The following SLC7A14 variants were observed in gnomAD, a reference collection of about 807,000 sequenced individuals.
The protein encoded by SLC7A14 is solute carrier family 7 member 14.
In SLC7A14, 37 loss-of-function variants were observed where a neutral mutation model predicts 60.2. That is an observed-to-expected ratio of 0.61 (90% CI 0.47 to 0.81). SLC7A14 has a LOEUF of 0.81. Among genes scored for constraint, SLC7A14 ranks in the 30% least tolerant of loss-of-function variants. SLC7A14 has a pLI of 0.00. For missense variants in SLC7A14, 886 were observed against 982.7 expected (o/e 0.90, Z 1.32); for synonymous variants, 399 against 395.8 (o/e 1.01, Z -0.10).
rs367547128 is a variant in SLC7A14 at position 170,526,902 on chromosome 3, C to T, written c.35G>A (p.Arg12Gln). ...ATACCAGGCAGCTCCCCACTGCACC[C>T]GCCGGGGGTCCAGCGAGGTGAAGAA... ...SGFFTSLDPR[R>Q]VQWGAAWYAM... Residue 12 changes from arginine to glutamine, a missense_variant, in exon 2 of 8, where the codon CGG (arginine) becomes CAG (glutamine). Arg to Gln is a conservative substitution (Grantham distance 43). Coordinates refer to ENST00000231706, the MANE Select transcript of SLC7A14 (RefSeq NM_020949.3). 10 of 1,613,630 alleles carry T rather than the reference C, an allele frequency of 6.2e-6. No homozygotes were observed. Among genetic ancestry groups the T allele is most frequent in the East Asian group, 4.5e-5 (2 of 44,856 alleles).
At chr3:170,529,747 A>G (rs1713617838) in intron 1 of SLC7A14, among the ~76,000 whole-genome samples, 1 of 152,210 alleles carries the variant, frequency 6.6e-6, no homozygotes. Flanking sequence ...AGATGAAATT[A>G]GTTGGGGGGA....
chr3:170,558,982 G>A (rs767864720), intron 1 of SLC7A14, among the ~76,000 whole-genome samples: 1 of 152,148 alleles, frequency 6.6e-6, no homozygotes, highest in Non-Finnish European at 1.5e-5. Flanking sequence ...TTTTCATGCT[G>A]GTAACTGCCT....
chr3:170,525,887 A>G (rs1293756252), intron 2 of SLC7A14, among the ~76,000 whole-genome samples: 3 of 152,164 alleles, frequency 2.0e-5, no homozygotes, highest in Non-Finnish European at 4.4e-5. Context: ...CCTGGCCAAC[A>G]TGGTGAAACC....
At chr3:170,560,669 G>A (rs531978794) in intron 1 of SLC7A14, among the ~76,000 whole-genome samples, 39 of 152,238 alleles carry the variant, frequency 2.6e-4, no homozygotes, top group Admixed American at 7.2e-4. Context: ...AATGGACCAA[G>A]GTTTTGGTTC....
chr3:170,483,959 A>G (rs550858531), intron 5 of SLC7A14, among the ~76,000 whole-genome samples: 1 of 152,318 alleles, frequency 6.6e-6, no homozygotes, highest in Admixed American at 6.5e-5. Context: ...TTCTGGTCCT[A>G]CAGGGTTTTA....
intron 4 of SLC7A14, among the ~76,000 whole-genome samples, chr3:170,493,035 G>A (rs758724645): frequency 5.3e-5 from 8 of 152,176 alleles, no homozygotes; most frequent in Non-Finnish European, 8.8e-5. Context: ...CCCCACAAAT[G>A]ATTGCTATGG....
chr3:170,496,953 G>T (rs1273043933), intron 4 of SLC7A14, among the ~76,000 whole-genome samples: 1 of 152,136 alleles, frequency 6.6e-6, no homozygotes, highest in East Asian at 1.9e-4. Context: ...GGAGGCTGCT[G>T]TGCAGGGGAG....
chr3:170,479,147 AC>A (rs1311689458), intron 7 of SLC7A14, among the ~76,000 whole-genome samples: 3 of 116,074 alleles, frequency 2.6e-5, no homozygotes, highest in Non-Finnish European at 4.2e-5. Flanking sequence ...AACAAAACAA[AC>A]AAATAACAAC....
intron 1 of SLC7A14, among the ~76,000 whole-genome samples, chr3:170,531,838 AAG>A (rs369295002): frequency 5.3e-5 from 8 of 152,252 alleles, no homozygotes; most frequent in Non-Finnish European, 1.0e-4. Flanking sequence ...CCTCTGGGAG[AAG>A]AGAGTCATCA....
At chr3:170,500,628 A>G (rs1712577847) in intron 3 of SLC7A14, among the ~76,000 whole-genome samples, 1 of 152,106 alleles carries the variant, frequency 6.6e-6, no homozygotes. Context: ...TGGAAAAAAA[A>G]TCTGATGAAA....
At position 170,526,912 on chromosome 3, in the gene SLC7A14, C is replaced by G. The variant is rs776300686; in HGVS notation, c.25G>C (p.Asp9His). The G allele has an allele frequency of 6.2e-7, 1 of 1,613,386 alleles. No homozygotes were observed. The highest frequency in any genetic ancestry group is 1.1e-5 in the South Asian group (1 of 90,926). Residue 9 changes from aspartate to histidine, a missense_variant, in exon 2 of 8, where the codon GAC becomes CAC. Physicochemically the swap from Asp to His is moderately conservative, Grantham distance 81. Transcript: ENST00000231706. ...GCTCCCCACTGCACCCGCCGGGGGT[C>G]CAGCGAGGTGAAGAAGCCACTCATC... MSGFFTSL[D>H]PRRVQWGAAW...
In SLC7A14 at chr3:170,483,485, G is replaced by A. The variant is rs1444261476; in HGVS notation, c.944C>T (p.Thr315Ile). The A allele has an allele frequency of 1.2e-6, 2 of 1,614,196 alleles. No individual in the cohort carries two copies. The highest frequency in any genetic ancestry group is 2.2e-5 in the South Asian group (2 of 91,086). ...VILTLMVPYY[T>I]IDTESPLMEM... ...CATGAGTGGGGATTCCGTGTCAATG[G>A]TATAATATGGCACCATCAGAGTTAA... Residue 315 changes from threonine (T) to isoleucine (I), a missense_variant, in exon 6 of 8, where the codon ACC becomes ATC. Thr to Ile is a moderately conservative substitution (Grantham distance 89). Coordinates refer to ENST00000231706, the MANE Select transcript of SLC7A14 (RefSeq NM_020949.3).
chr3:170,560,052 A>T (rs1714601884), intron 1 of SLC7A14, among the ~76,000 whole-genome samples: 1 of 152,238 alleles, frequency 6.6e-6, no homozygotes, highest in Non-Finnish European at 1.5e-5. Flanking sequence ...AATAATCCCA[A>T]TCAAATTCCC....
intron 1 of SLC7A14, chr3:170,570,271 C>T (rs1046269815): frequency 4.6e-5 from 7 of 152,394 alleles, no homozygotes; most frequent in African/African-American, 1.5e-4. Flanking sequence ...CATGGCAAAA[C>T]CCTGTCTCTA....
At position 170,526,602 on chromosome 3, in the gene SLC7A14, C is replaced by T. The variant is rs370095612; in HGVS notation, c.304+31G>A. The T allele has an allele frequency of 4.9e-4, 778 of 1,603,544 alleles. 1 individual carries two copies. Among genetic ancestry groups the T allele is most frequent in the Middle Eastern group, 1.7e-3 (10 of 6,048 alleles). ...GTGACCAGGCTGGTAAGCACACTTT[C>T]CACAGTACTTCCCTGCATGGAGACA... On this transcript the variant is annotated intron_variant, in intron 2 of 7. Transcript: ENST00000231706.
intron 7 of SLC7A14, among the ~76,000 whole-genome samples, chr3:170,479,723 C>A (rs1183921744): frequency 6.6e-6 from 1 of 152,140 alleles, no homozygotes; most frequent in African/African-American, 2.4e-5. Flanking sequence ...ATATGAAAAA[C>A]TTTTGAATAT....
At chr3:170,511,195 C>T (rs1712969923) in intron 2 of SLC7A14, among the ~76,000 whole-genome samples, 1 of 152,048 alleles carries the variant, frequency 6.6e-6, no homozygotes, top group Admixed American at 6.5e-5. Context: ...CTCGGGAGTT[C>T]GAGACCAGCC....
At chr3:170,493,923 C>T (rs1470836629) in intron 4 of SLC7A14, among the ~76,000 whole-genome samples, 3 of 152,208 alleles carry the variant, frequency 2.0e-5, no homozygotes, top group Non-Finnish European at 4.4e-5. Context: ...CATATATCAT[C>T]CCCAAGTTTC....
intron 1 of SLC7A14, among the ~76,000 whole-genome samples, chr3:170,540,561 G>A (rs1431873814): frequency 6.6e-6 from 1 of 151,894 alleles, no homozygotes; most frequent in African/African-American, 2.4e-5. Flanking sequence ...GGAGTGCACT[G>A]TTCATTTCTA....
Sources: gnomAD v4.1 joint callset for allele counts (sites outside exome capture counted in the v4.1 genomes callset) on GRCh38, gnomAD v4.1.1 for gene constraint, MANE v1.5 for transcripts, NCBI Gene and HGNC (gene_info 2026-07-23, HGNC 2026-07-21) for gene names.